The following PSCA variants were observed in gnomAD, a reference collection of about 807,000 sequenced individuals.
PSCA encodes the protein prostate stem cell antigen.
A neutral mutation model predicts 7.9 loss-of-function variants in PSCA; 7 were observed. The observed-to-expected ratio is 0.89, with a 90% CI of 0.51 to 1.67. The LOEUF is 1.67. Among genes scored for constraint, PSCA ranks in the 40% most tolerant of loss-of-function variants. PSCA has a pLI of 0.00. For synonymous variants in PSCA, 61 were observed against 68.3 expected (o/e 0.89, Z 0.53); for missense variants, 151 against 147.9 (o/e 1.02, Z -0.11).
At chr8:142,675,316 C>T (rs1356660676) in intron 1 of PSCA, among the ~76,000 whole-genome samples, 1 of 152,202 alleles carries the variant, frequency 6.6e-6, no homozygotes, top group Non-Finnish European at 1.5e-5. Context: ...TGCCCATCTC[C>T]ACCTTAGTGC....
At chr8:142,680,361 G>A (rs79000783), upstream of PSCA, 142 of 654,546 alleles carry the variant, frequency 2.2e-4, no homozygotes, top group Non-Finnish European at 3.5e-4. Context: ...GGTGCAGGTC[G>A]CTCAGGGAGG....
At position 142,682,456 on chromosome 8, in the gene PSCA, C is replaced by T. The variant is rs1554638572; in HGVS notation, c.*324C>T. On this transcript the variant is annotated 3_prime_UTR_variant, in exon 3 of 3. Coordinates refer to ENST00000301258, the MANE Select transcript of PSCA (RefSeq NM_005672.5). Reference sequence around the variant, plus strand: ...CACCTCTTCCCCCAGGAAGCCTTCCCTGCCCACCCCATCTATGACTTGAGC... The same window carrying T: ...CACCTCTTCCCCCAGGAAGCCTTCCTTGCCCACCCCATCTATGACTTGAGC... 2 of 617,522 alleles carry T rather than the reference C, an allele frequency of 3.2e-6. No homozygotes were observed. Among genetic ancestry groups the T allele is most frequent in the South Asian group, 3.0e-5 (2 of 65,950 alleles). 38.3% of individuals were successfully genotyped at this position (617,522 alleles called of 1,614,324 possible).
Position 142,673,306 on chromosome 8 carries a change from G to A in PSCA, n.261+2738G>A, listed in dbSNP as rs1847356836. On this transcript the variant is annotated intron_variant and non_coding_transcript_variant, in intron 1 of 1. Coordinates refer to the PSCA transcript ENST00000505305. The surrounding 1 kb of genome is among the most constrained non-coding windows in gnomAD (Gnocchi z 4.6). ...AGGACTTGGACAGTGCTGGTGGGCA[G>A]TGGGGATTGGCATGAAACTGGGGCC... Among the ~76,000 whole-genome samples, 1 of 152,196 alleles carries A rather than the reference G, an allele frequency of 6.6e-6. No individual in the cohort carries two copies. The highest frequency in any genetic ancestry group is 2.1e-4 in the South Asian group (1 of 4,834).
chr8:142,675,980 A>C (rs1288583517), upstream of PSCA: 2 of 152,278 alleles, frequency 1.3e-5, no homozygotes, highest in Non-Finnish European at 2.9e-5. Flanking sequence ...TGTGTGTTCC[A>C]GCATGGGACC....
chr8:142,681,782 C>T lies in PSCA; in HGVS notation c.134-139C>T, dbSNP rs1587547905. 7.5e-6 allele frequency: 5 copies of T among 668,532 alleles called. No individual in the cohort carries two copies. In the East Asian group the frequency reaches 1.4e-4, roughly 18 times the overall value. 41.4% of individuals were successfully genotyped at this position (668,532 alleles called of 1,614,324 possible). ...GCTGAGACCAGGGCCGAGACCAGGC[C>T]CTCGCACTGCTTGCAATCCTGAGGC... On this transcript the variant is annotated intron_variant, in intron 2 of 2. Coordinates refer to ENST00000301258, the MANE Select transcript of PSCA (RefSeq NM_005672.5).
At chr8:142,670,557 G>A (rs1461255257) in exon 1 of PSCA, 1 of 152,222 alleles carries the variant, frequency 6.6e-6, no homozygotes, top group African/African-American at 2.4e-5. Context: ...TTTTGAACTG[G>A]GTGCGACTTA....
rs782701904 is a variant in PSCA at position 142,682,430 on chromosome 8, GCACCT to G, written c.*300_*304del. The stretch of plus-strand genomic sequence containing the variant: ...TCTCCACCCTTAACCCTGTGCTCAG[GCACCT>G]CTTCCCCCAGGAAGCCTTCCCTGCC... On this transcript the variant is annotated 3_prime_UTR_variant, in exon 3 of 3. Transcript: ENST00000301258. 2.4e-4 allele frequency: 155 copies of G among 658,702 alleles called. 2 individuals carry two copies. Among genetic ancestry groups the G allele is most frequent in the South Asian group, 2.3e-3 (151 of 66,370 alleles). 40.8% of individuals were successfully genotyped at this position (658,702 alleles called of 1,614,324 possible).
upstream of PSCA, among the ~76,000 whole-genome samples, chr8:142,678,710 C>T (rs1434084550): frequency 1.5e-5 from 1 of 65,382 alleles, no homozygotes; most frequent in African/African-American, 3.7e-5. Context: ...CACCACCACC[C>T]AGCCACTGGC....
intron 1 of PSCA, chr8:142,681,050 T>A: frequency 2.0e-6 from 1 of 490,862 alleles, no homozygotes; most frequent in Non-Finnish European, 3.7e-6. Flanking sequence ...GGTGGGACCC[T>A]CCCGACCCAG....
rs188696960 is a variant in PSCA at position 142,681,455 on chromosome 8, C to T, written c.133+21C>T. 1.4e-3 allele frequency: 2,237 copies of T among 1,563,128 alleles called. 22 individuals are homozygous for T. The African/African-American group carries it at 0.024, about 17-fold the overall frequency. On this transcript the variant is annotated intron_variant, in intron 2 of 2. Transcript: ENST00000301258. ...CATCCGTGAGTGGGGGGACGACAGCCGCCAGGCCTAGGTCTCTGCCACTGA... is the reference window on the plus strand; with the variant it reads ...CATCCGTGAGTGGGGGGACGACAGCTGCCAGGCCTAGGTCTCTGCCACTGA...
At chr8:142,677,306 C>T (rs587705946), upstream of PSCA, among the ~76,000 whole-genome samples, 1 of 152,292 alleles carries the variant, frequency 6.6e-6, no homozygotes, top group Admixed American at 6.5e-5. Flanking sequence ...GCTGGGGCTG[C>T]GGATTCTGTG....
intron 1 of PSCA, chr8:142,680,861 A>G: frequency 1.8e-6 from 1 of 555,352 alleles, no homozygotes; most frequent in South Asian, 2.2e-5. Context: ...TGACGGATGG[A>G]TGGGCAGAGA....
intron 2 of PSCA, 168 bp from the exon 3 acceptor site, chr8:142,681,753 T>C: frequency 1.6e-6 from 1 of 624,170 alleles, no homozygotes; most frequent in Non-Finnish European, 2.8e-6. Flanking sequence ...GACATCTGGA[T>C]AGGGCTGAGA....
At chr8:142,677,126 C>T (rs1361085387), upstream of PSCA, among the ~76,000 whole-genome samples, 10 of 152,180 alleles carry the variant, frequency 6.6e-5, no homozygotes, top group African/African-American at 2.4e-4. Context: ...GTTAGGTAAC[C>T]AGGATTAGAG....
upstream of PSCA, chr8:142,680,325 T>G (rs1587546547): frequency 1.7e-6 from 1 of 594,894 alleles, no homozygotes; most frequent in Non-Finnish European, 3.0e-6. Flanking sequence ...CCTCCAGAGG[T>G]GGAAAGAAGG....
chr8:142,678,604 G>A (rs1353897754), upstream of PSCA, among the ~76,000 whole-genome samples: 1 of 152,224 alleles, frequency 6.6e-6, no homozygotes. Context: ...TGGCTGACGG[G>A]ACCTGGGCCT....
chr8:142,682,541 G>T lies in PSCA; in HGVS notation c.*409G>T, dbSNP rs782073143. On this transcript the variant is annotated 3_prime_UTR_variant, in exon 3 of 3. Transcript: ENST00000301258. ...GGGGACAGGCACTCAGGAGGGCCCGGTAAAGGCTGAGATGAAGTGGACTGA... is the reference window on the plus strand; with the variant it reads ...GGGGACAGGCACTCAGGAGGGCCCGTTAAAGGCTGAGATGAAGTGGACTGA... The T allele has an allele frequency of 4.6e-6, 2 of 438,282 alleles. No individual in the cohort carries two copies. Among genetic ancestry groups the T allele is most frequent in the Admixed American group, 5.1e-5 (2 of 39,456 alleles). The allele number at this position is 438,282 out of a possible 1,614,324, so 27.1% of individuals were successfully genotyped here.
At chr8:142,675,500 C>T (rs954190668), upstream of PSCA, among the ~76,000 whole-genome samples, 1 of 152,198 alleles carries the variant, frequency 6.6e-6, no homozygotes, top group Non-Finnish European at 1.5e-5. Flanking sequence ...CTCCAAGCTG[C>T]ACAGCCCTCA....
At chr8:142,676,889 G>C (rs186787998), upstream of PSCA, among the ~76,000 whole-genome samples, 3 of 152,320 alleles carry the variant, frequency 2.0e-5, no homozygotes, top group Admixed American at 2.0e-4. Flanking sequence ...TGCCCCTTGT[G>C]GCAGAACTTC....
Sources: gnomAD v4.1 joint callset for allele counts (sites outside exome capture counted in the v4.1 genomes callset) on GRCh38, gnomAD v4.1.1 for gene constraint, Gnocchi (gnomAD v3.1) non-coding constraint, MANE v1.5 for transcripts, NCBI Gene and HGNC (gene_info 2026-07-23, HGNC 2026-07-21) for gene names.